Variants in THOC2 observed in about 807,000 individuals in gnomAD.
THOC2 encodes THO complex subunit 2.
A neutral mutation model predicts 128.4 loss-of-function variants in THOC2; 10 were observed. The observed-to-expected ratio is 0.08, with a 90% CI of 0.05 to 0.13. THOC2 has a LOEUF of 0.13. THOC2 is among the 10% of genes least tolerant of loss of function. The pLI is 1.00. For synonymous variants in THOC2, 393 were observed against 396.9 expected, an observed-to-expected ratio of 0.99 and a Z score of 0.12; for missense variants, 535 against 1,155.7, an observed-to-expected ratio of 0.46 and a Z score of 7.79.
In THOC2 at chrX:123,721,690, G is replaced by A. The variant is rs1172196085; in HGVS notation, c.72-8782C>T. 3.7e-5 allele frequency among the ~76,000 whole-genome samples: 4 copies of A among 108,331 alleles called. No homozygotes were observed. The Admixed American group carries it at 3.9e-4, about 11-fold the overall frequency. The allele number at this position is 108,331 out of a possible 115,157, so 94.1% of individuals were successfully genotyped here. A position where few individuals can be genotyped will look rare whatever the true frequency, so the allele number is the denominator to read the frequency against. On this transcript the variant is annotated intron_variant, in intron 1 of 38. Transcript: ENST00000245838. ...AGTCCCAGCTACTCGGGAGCCTGAG[G>A]CAGGAGAATCGCTTGGACTCAGGAG...
At chrX:123,616,173 C>G (rs1230087344) in intron 33 of THOC2, among the ~76,000 whole-genome samples, 2 of 111,178 alleles carry the variant, frequency 1.8e-5, no homozygotes, top group Non-Finnish European at 1.9e-5. Flanking sequence ...CTGCAACTCA[C>G]TTTACATTAT....
intron 8 of THOC2, among the ~76,000 whole-genome samples, chrX:123,672,795 G>A (rs909475678): frequency 2.7e-5 from 3 of 111,505 alleles, no homozygotes; most frequent in Admixed American, 9.5e-5. Context: ...AGTGAAGTGA[G>A]AATAACTGGC....
rs5958287 is a variant in THOC2, at chrX:123,710,290, C to T, written c.130+2560G>A. 2.1e-3 allele frequency among the ~76,000 whole-genome samples: 236 copies of T among 111,897 alleles called. 1 individual carries two copies. Among genetic ancestry groups the T allele is most frequent in the African/African-American group, 7.3e-3 (223 of 30,731 alleles). On this transcript the variant is annotated intron_variant, in intron 2 of 38. Coordinates refer to ENST00000245838, the MANE Select transcript of THOC2 (RefSeq NM_001081550.2). ...TGTGAATCAGAACCATGCAAATAAA[C>T]AATAATCTAATAGTTATTAAAGATC...
chrX:123,633,865 TA>T, intron 20 of THOC2, 87 bp downstream of exon 20: 1 of 573,784 alleles, frequency 1.7e-6, no homozygotes, highest in Non-Finnish European at 2.8e-6. Context: ...TTTGGTTTTA[TA>T]AACTTACATA....
chrX:123,616,435 C>T (rs757090999), intron 33 of THOC2, among the ~76,000 whole-genome samples: 1 of 110,971 alleles, frequency 9.0e-6, no homozygotes, highest in African/African-American at 3.3e-5. Context: ...ACATTCGGAT[C>T]ATTAAGGTCC....
intron 12 of THOC2, among the ~76,000 whole-genome samples, chrX:123,649,058 C>G (rs1290979970): frequency 1.8e-5 from 2 of 112,087 alleles, no homozygotes; most frequent in Non-Finnish European, 3.8e-5. Context: ...ACACATCATA[C>G]AGGAGAGCTC....
At chrX:123,674,131 A>C (rs1026529507) in intron 8 of THOC2, among the ~76,000 whole-genome samples, 2 of 111,815 alleles carry the variant, frequency 1.8e-5, no homozygotes, top group African/African-American at 6.5e-5. Flanking sequence ...TCTTTTGTCA[A>C]GTAATGGTTA....
At chrX:123,684,585 G>C (rs1007772837) in intron 8 of THOC2, among the ~76,000 whole-genome samples, 3 of 111,140 alleles carry the variant, frequency 2.7e-5, no homozygotes, top group Admixed American at 1.9e-4. Context: ...GCAGGGTTTC[G>C]CCATGTTGGC....
At chrX:123,729,807 AG>A (rs1458560578) in intron 1 of THOC2, among the ~76,000 whole-genome samples, 1 of 111,937 alleles carries the variant, frequency 8.9e-6, no homozygotes, top group Non-Finnish European at 1.9e-5. Context: ...CAAAGGAAAA[AG>A]GTTTTTTGTA....
intron 15 of THOC2, among the ~76,000 whole-genome samples, chrX:123,642,410 G>A (rs1301517936): frequency 2.9e-5 from 3 of 104,670 alleles, no homozygotes; most frequent in Non-Finnish European, 3.9e-5. Flanking sequence ...CCCGGGCAAC[G>A]GTGCAAAACT....
At chrX:123,624,238 A>T in intron 26 of THOC2, 47 bp from the exon 27 acceptor site, 1 of 1,084,987 alleles carries the variant, frequency 9.2e-7, no homozygotes, top group Non-Finnish European at 1.2e-6. Flanking sequence ...TATGATCCAC[A>T]AAATAGCAGA....
At chrX:123,663,775 C>A (rs1603285359) in intron 12 of THOC2, among the ~76,000 whole-genome samples, 2 of 110,502 alleles carry the variant, frequency 1.8e-5, no homozygotes, top group East Asian at 5.6e-4. Context: ...CCCCTCTCCC[C>A]ACACCCCACA....
Position 123,633,043 on chromosome X carries a change from G to A in THOC2, c.2137-3C>T. 8.4e-7 allele frequency: 1 copy of A among 1,196,949 alleles called. No homozygotes were observed. On this transcript the variant is annotated splice_polypyrimidine_tract_variant and splice_region_variant and intron_variant, in intron 20 of 38. Transcript: ENST00000245838. ...CTGATCTGACCAAAATAACCACCCT[G>A]CACAAGGGAAGACACAAATTTACCA...
intron 1 of THOC2, among the ~76,000 whole-genome samples, chrX:123,727,643 G>A (rs185103936): frequency 3.6e-5 from 4 of 111,839 alleles, no homozygotes; most frequent in South Asian, 3.7e-4. Flanking sequence ...ATAGGTTCTC[G>A]CTATGTCGCC....
chrX:123,669,447 G>T (rs1033792338), intron 9 of THOC2, among the ~76,000 whole-genome samples: 10 of 110,273 alleles, frequency 9.1e-5, no homozygotes, highest in African/African-American at 3.3e-4. Flanking sequence ...CTCTCGAGTA[G>T]CTGGGATTAC....
At chrX:123,676,554 T>C (rs910406399) in intron 8 of THOC2, among the ~76,000 whole-genome samples, 6 of 112,336 alleles carry the variant, frequency 5.3e-5, no homozygotes, top group African/African-American at 1.6e-4. Flanking sequence ...CAAAGTTGAC[T>C]GATAGTTTTT....
chrX:123,701,433 C>T (rs1053830848), intron 4 of THOC2, among the ~76,000 whole-genome samples: 9 of 111,502 alleles, frequency 8.1e-5, no homozygotes, highest in African/African-American at 2.6e-4. Context: ...TCATGTTACT[C>T]GTACAAGACA....
intron 12 of THOC2, among the ~76,000 whole-genome samples, chrX:123,653,129 A>G (rs1407589474): frequency 1.8e-5 from 2 of 111,536 alleles, no homozygotes; most frequent in East Asian, 5.6e-4. Flanking sequence ...CACATCTACA[A>G]CTATCTGATC....
At chrX:123,707,240 A>G (rs1275508817) in intron 2 of THOC2, among the ~76,000 whole-genome samples, 1 of 111,397 alleles carries the variant, frequency 9.0e-6, no homozygotes, top group African/African-American at 3.3e-5. Context: ...CACATCATAT[A>G]GCATTCTGAT....
Sources: allele counts gnomAD v4.1 joint callset (sites outside exome capture counted in the v4.1 genomes callset), GRCh38; gene constraint gnomAD v4.1.1; transcripts MANE v1.5; gene names NCBI Gene and HGNC (gene_info 2026-07-23, HGNC 2026-07-21).